LCP2: variants seen among roughly 807,000 people sequenced by gnomAD.
LCP2 encodes the protein lymphocyte cytosolic protein 2.
A neutral mutation model predicts 74.5 loss-of-function variants in LCP2; 29 were observed. The observed-to-expected ratio is 0.39, with a 90% confidence interval of 0.29 to 0.53. LCP2 has a LOEUF of 0.53. Among genes scored for constraint, LCP2 ranks in the 20% least tolerant of loss-of-function variants. The probability of loss-of-function intolerance (pLI) is 0.72; values close to 1 mark genes in which losing one functional copy is unlikely to be tolerated. For missense variants in LCP2, 604 were observed against 634.6 expected, an observed-to-expected ratio of 0.95 and a Z score of 0.52; for synonymous variants, 228 against 229.5, an observed-to-expected ratio of 0.99 and a Z score of 0.06.
In LCP2 at chr5:170,268,402, CTGG is replaced by C; in HGVS notation, c.601_603del (p.Pro201del). 1 of 697,168 alleles carries C rather than the reference CTGG, an allele frequency of 1.4e-6. No individual in the cohort carries two copies. 43.2% of individuals were successfully genotyped at this position (697,168 alleles called of 1,614,324 possible). A position where few individuals can be genotyped will look rare whatever the true frequency, so the allele number is the denominator to read the frequency against. ...AGGCCTACCGAGTGATTCCGGCCGG[CTGG>C]TGGGGGCGGGAGGGCGGCCATCGGT... is the stretch of plus-strand genomic sequence containing the variant. On this transcript the variant is annotated inframe_deletion, in exon 8 of 21. Transcript: ENST00000046794.
Position 170,248,796 on chromosome 5 carries a change from A to G in LCP2, c.1503T>C (p.Ile501=). 5 of 1,612,568 alleles carry G rather than the reference A, an allele frequency of 3.1e-6. No homozygotes were observed. The highest frequency in any genetic ancestry group is 4.2e-6 in the Non-Finnish European group (5 of 1,179,086). Residue 501 remains isoleucine (I), a synonymous_variant, in exon 21 of 21, where the codon ATT becomes ATC. Coordinates refer to ENST00000046794, the MANE Select transcript of LCP2 (RefSeq NM_005565.5). ...GKEDFLSVSD[I]IDYFRKMPLL... Reference sequence around the variant, plus strand: ...GTGGCATTTTCCTGAAGTAGTCAATAATATCTGACACAGACAGAAAGTCCT... The same window carrying G: ...GTGGCATTTTCCTGAAGTAGTCAATGATATCTGACACAGACAGAAAGTCCT...
At chr5:170,252,280 G>A in intron 19 of LCP2, 154 bp downstream of exon 19, 1 of 459,098 alleles carries the variant, frequency 2.2e-6, no homozygotes, top group Non-Finnish European at 3.9e-6. Flanking sequence ...GGTGCTGGTA[G>A]TTGTGAAGCT....
intron 3 of LCP2, among the ~76,000 whole-genome samples, chr5:170,286,152 T>A (rs983810700): frequency 3.9e-5 from 6 of 152,230 alleles, no homozygotes; most frequent in Non-Finnish European, 7.3e-5. Context: ...TGATATAATA[T>A]AAATGGTTGA....
rs758173134 is a variant in LCP2 at position 170,289,667 on chromosome 5, T to C, written c.142-1651A>G. ...TTTCTTTCTTTCTTTCTTTCTTTCT[T>C]TCTTTCTCTCTCTCTCTCTTTCTTT... On this transcript the variant is annotated intron_variant, in intron 2 of 20. Coordinates refer to ENST00000046794, the MANE Select transcript of LCP2 (RefSeq NM_005565.5). 1.0e-2 allele frequency among the ~76,000 whole-genome samples: 759 copies of C among 76,230 alleles called. 6 individuals carry two copies. The highest frequency in any genetic ancestry group is 0.036 in the African/African-American group (718 of 20,176). 50.0% of individuals were successfully genotyped at this position (76,230 alleles called of 152,430 possible).
rs184226544 is a variant in LCP2, at chr5:170,297,724, C to T, written c.-113G>A. Reference sequence around the variant, plus strand: ...TCTTGGCTCTTCCAACTCCCAGCTACCCTGTGGAACACCCCTGTTGGAGCC... The same window carrying T: ...TCTTGGCTCTTCCAACTCCCAGCTATCCTGTGGAACACCCCTGTTGGAGCC... On this transcript the variant is annotated 5_prime_UTR_variant, in exon 1 of 21. Transcript: ENST00000046794. 405 of 791,340 alleles carry T rather than the reference C, an allele frequency of 5.1e-4. 2 individuals carry two copies. In the East Asian group the frequency reaches 6.3e-3, roughly 12 times the overall value. 49.0% of individuals were successfully genotyped at this position (791,340 alleles called of 1,614,324 possible).
intron 2 of LCP2, among the ~76,000 whole-genome samples, chr5:170,289,750 T>TC (rs1224510185): frequency 6.3e-5 from 7 of 111,378 alleles, no homozygotes; most frequent in African/African-American, 2.5e-4. Context: ...TTCTTTTCTT[T>TC]TCTTTCTCTT....
intron 1 of LCP2, among the ~76,000 whole-genome samples, chr5:170,296,126 C>T (rs1412830690): frequency 6.6e-6 from 1 of 152,160 alleles, no homozygotes; most frequent in Non-Finnish European, 1.5e-5. Flanking sequence ...AGGTAACATG[C>T]CACTTTATTC....
chr5:170,296,619 C>T (rs780714660), intron 1 of LCP2, among the ~76,000 whole-genome samples: 2 of 152,224 alleles, frequency 1.3e-5, no homozygotes, highest in Admixed American at 6.5e-5. Flanking sequence ...TTAACCGTCT[C>T]GCACAAGTCA....
chr5:170,281,797 G>A (rs1762110229), intron 3 of LCP2, among the ~76,000 whole-genome samples: 2 of 152,326 alleles, frequency 1.3e-5, no homozygotes, highest in South Asian at 2.1e-4. Context: ...CATTGGTAAT[G>A]GCTACAGGGA....
chr5:170,261,407 G>GTGTGTGTGTGTATA (rs150577805), intron 13 of LCP2, among the ~76,000 whole-genome samples: 1 of 146,232 alleles, frequency 6.8e-6, no homozygotes, highest in Non-Finnish European at 1.5e-5. Context: ...GTGTGTGTGT[G>GTGTGTGTGTGTATA]TATATATATA....
chr5:170,264,473 C>A (rs1278060519), intron 10 of LCP2, among the ~76,000 whole-genome samples: 1 of 152,194 alleles, frequency 6.6e-6, no homozygotes, highest in Non-Finnish European at 1.5e-5. Flanking sequence ...CTTTAAGGAC[C>A]AAGTACATGC....
chr5:170,276,534 A>G (rs12187894), intron 3 of LCP2, among the ~76,000 whole-genome samples: 19,597 of 152,034 alleles, frequency 0.13, 2,098 homozygotes, highest in East Asian at 0.4. Context: ...TGACCAAGAC[A>G]CTTGAAGATA....
intron 3 of LCP2, among the ~76,000 whole-genome samples, chr5:170,286,175 C>T (rs528647179): frequency 1.3e-4 from 20 of 152,320 alleles, no homozygotes; most frequent in Admixed American, 2.6e-4. Context: ...TACCTTAGGA[C>T]GATCCCTCAG....
chr5:170,270,508 C>T (rs923461434), intron 7 of LCP2: 3 of 534,862 alleles, frequency 5.6e-6, no homozygotes, highest in African/African-American at 3.9e-5. Flanking sequence ...GTGGTCTGTA[C>T]ATTTATTATC....
chr5:170,273,582 G>A (rs1184660915), intron 6 of LCP2, among the ~76,000 whole-genome samples: 1 of 152,046 alleles, frequency 6.6e-6, no homozygotes, highest in Non-Finnish European at 1.5e-5. Flanking sequence ...TGTGTTCTAC[G>A]CACGTCACGT....
intron 7 of LCP2, 62 bp downstream of exon 7, chr5:170,270,657 G>A (rs1358455182): frequency 1.1e-5 from 15 of 1,423,608 alleles, no homozygotes; most frequent in Admixed American, 2.6e-5. Context: ...AGCCTTCCAT[G>A]CAGCAGTGGC....
intron 14 of LCP2, among the ~76,000 whole-genome samples, chr5:170,259,155 G>A (rs1761611567): frequency 6.6e-6 from 1 of 152,146 alleles, no homozygotes. Context: ...AGGGCCCAAA[G>A]ATGTAATAAT....
chr5:170,267,062 G>T lies in LCP2; in HGVS notation c.635C>A (p.Pro212His), dbSNP rs772341580. The T allele has an allele frequency of 5.0e-6, 8 of 1,613,808 alleles. No homozygotes were observed. The highest frequency in any genetic ancestry group is 5.9e-6 in the Non-Finnish European group (7 of 1,179,906). ...AGRNHSPLPP[P>H]QTNHEEPSRS... ...GCTGGGTTCTTCGTGGTTGGTCTGG[G>T]GTGGGGGCAGTGGCTGCATAAAGAT... Residue 212 changes from proline (P) to histidine (H), a missense_variant, in exon 9 of 21, where the codon CCC becomes CAC. Transcript: ENST00000046794.
At chr5:170,288,256 T>C (rs1236923988) in intron 2 of LCP2, among the ~76,000 whole-genome samples, 2 of 151,904 alleles carry the variant, frequency 1.3e-5, no homozygotes, top group Non-Finnish European at 2.9e-5. Context: ...GTCTGGGTTT[T>C]ATGTGAAATG....
Sources: allele counts gnomAD v4.1 joint callset (sites outside exome capture counted in the v4.1 genomes callset), GRCh38; gene constraint gnomAD v4.1.1; transcripts MANE v1.5; gene names NCBI Gene and HGNC (gene_info 2026-07-23, HGNC 2026-07-21).